The following CRADD variants were observed in gnomAD, a reference collection of about 807,000 sequenced individuals.
CRADD encodes CARD and death domain containing adaptor protein.
A neutral mutation model predicts 15.5 loss-of-function variants in CRADD; 9 were observed. The observed-to-expected ratio is 0.58, with a 90% CI of 0.35 to 1.01. The LOEUF (loss-of-function observed/expected upper bound fraction) is 1.01. CRADD is among the 50% of genes least tolerant of loss of function. The pLI, the probability that CRADD is intolerant of heterozygous loss-of-function variation, is 0.02. For missense variants in CRADD, 227 were observed against 250.3 expected (o/e 0.91, Z 0.63); for synonymous variants, 118 against 107.6 (o/e 1.10, Z -0.60).
At chr12:93,820,287 C>A (rs74492475) in intron 2 of CRADD, among the ~76,000 whole-genome samples, 5,815 of 152,292 alleles carry the variant, frequency 0.038, 183 homozygotes, top group East Asian at 0.12. Context: ...GCTAGAAAAC[C>A]TGCAGGGCAC....
At chr12:93,844,196 G>C (rs1464693128) in intron 2 of CRADD, among the ~76,000 whole-genome samples, 1 of 152,144 alleles carries the variant, frequency 6.6e-6, no homozygotes, top group African/African-American at 2.4e-5. Context: ...CACTCCGCTA[G>C]TGGCATGCAT....
At chr12:93,787,664 A>C (rs1160097891) in intron 2 of CRADD, among the ~76,000 whole-genome samples, 1 of 152,216 alleles carries the variant, frequency 6.6e-6, no homozygotes, top group East Asian at 1.9e-4. Context: ...CTTTAAAACT[A>C]TCCAAACTGG....
rs1957805608 is a variant in CRADD, at chr12:93,824,707, T to C, written c.299-25263T>C. Reference sequence around the variant, plus strand: ...TGGTATTCCTGAAGCCAGTCACTCTTAGAAGTGATAATGTTTATTTACCAG... The same window carrying C: ...TGGTATTCCTGAAGCCAGTCACTCTCAGAAGTGATAATGTTTATTTACCAG... On this transcript the variant is annotated intron_variant, in intron 2 of 2. Transcript: ENST00000332896. The surrounding 1 kb of genome is among the most constrained non-coding windows in gnomAD (Gnocchi z 4.3). 6.6e-6 allele frequency among the ~76,000 whole-genome samples: 1 copy of C among 152,152 alleles called. No individual in the cohort carries two copies. Among genetic ancestry groups the C allele is most frequent in the Non-Finnish European group, 1.5e-5 (1 of 68,038 alleles).
At chr12:93,791,946 T>TA (rs1485092105) in intron 2 of CRADD, among the ~76,000 whole-genome samples, 1 of 151,304 alleles carries the variant, frequency 6.6e-6, no homozygotes, top group Non-Finnish European at 1.5e-5. Context: ...GACAAGGCTG[T>TA]ATGGTGGCCC....
intron 2 of CRADD, among the ~76,000 whole-genome samples, chr12:93,713,595 G>T (rs1388085757): frequency 6.6e-6 from 1 of 151,246 alleles, no homozygotes; most frequent in Non-Finnish European, 1.5e-5. Context: ...GTAAATAGTT[G>T]TTATATTGTT....
intron 2 of CRADD, among the ~76,000 whole-genome samples, chr12:93,683,999 T>A (rs529757029): frequency 6.6e-6 from 1 of 152,264 alleles, no homozygotes; most frequent in South Asian, 2.1e-4. Flanking sequence ...TCAGTATCCA[T>A]AGCAAGACCC....
intron 2 of CRADD, among the ~76,000 whole-genome samples, chr12:93,800,931 T>G (rs1427915047): frequency 6.6e-6 from 1 of 152,052 alleles, no homozygotes; most frequent in Non-Finnish European, 1.5e-5. Context: ...GGCTGAATCA[T>G]TTATTCTGGA....
intron 2 of CRADD, among the ~76,000 whole-genome samples, chr12:93,778,625 G>A (rs1252647557): frequency 6.6e-6 from 1 of 151,760 alleles, no homozygotes; most frequent in Non-Finnish European, 1.5e-5. Context: ...ATGTTGACAG[G>A]TTAAACTGCA....
At chr12:93,861,220 C>T (rs1197685187) in intron 2 of CRADD, among the ~76,000 whole-genome samples, 1 of 152,114 alleles carries the variant, frequency 6.6e-6, no homozygotes, top group African/African-American at 2.4e-5. Context: ...CAGGTTGAGG[C>T]AGGAAAGTAC....
rs576427116 is a variant in CRADD at position 93,755,852 on chromosome 12, T to A, written c.298+76780T>A. Among the ~76,000 whole-genome samples the A allele has an allele frequency of 5.3e-5, 8 of 152,342 alleles. No homozygotes were observed. In the South Asian group the frequency reaches 1.2e-3, roughly 24 times the overall value. ...TGTTTCAATAAAAGAAAAAGTAGCA[T>A]ATGATTATTTTAAAGATTAAGGTAC... On this transcript the variant is annotated intron_variant, in intron 2 of 2. Coordinates refer to ENST00000332896, the MANE Select transcript of CRADD (RefSeq NM_003805.5).
intron 2 of CRADD, among the ~76,000 whole-genome samples, chr12:93,871,327 T>G (rs900423848): frequency 6.6e-6 from 1 of 152,162 alleles, no homozygotes; most frequent in Non-Finnish European, 1.5e-5. Flanking sequence ...TTTTAAAAAT[T>G]TTGTGGGTAC....
intron 2 of CRADD, among the ~76,000 whole-genome samples, chr12:93,759,632 C>T (rs941090228): frequency 1.3e-5 from 2 of 152,136 alleles, no homozygotes; most frequent in African/African-American, 2.4e-5. Context: ...TCCCTTTACC[C>T]CCACCTCTCT....
intron 2 of CRADD, among the ~76,000 whole-genome samples, chr12:93,762,990 C>A (rs921220146): frequency 2.0e-4 from 30 of 152,202 alleles, no homozygotes; most frequent in African/African-American, 7.2e-4. Flanking sequence ...GTATTGGTGG[C>A]TAAAACGTAA....
Position 93,701,685 on chromosome 12 carries a change from T to A in CRADD, c.298+22613T>A, listed in dbSNP as rs564358119. Reference sequence around the variant, plus strand: ...CCAAATTCCTGAGAATATGATTCAGTTAGTGAGTAACATTCTCTATGCTGG... The same window carrying A: ...CCAAATTCCTGAGAATATGATTCAGATAGTGAGTAACATTCTCTATGCTGG... On this transcript the variant is annotated intron_variant, in intron 2 of 2. Transcript: ENST00000332896. Among the ~76,000 whole-genome samples the A allele has an allele frequency of 3.0e-4, 45 of 152,330 alleles. No individual in the cohort carries two copies. In the South Asian group the frequency reaches 8.9e-3, roughly 30 times the overall value.
intron 2 of CRADD, among the ~76,000 whole-genome samples, chr12:93,804,651 C>A (rs1253854143): frequency 6.6e-6 from 1 of 152,102 alleles, no homozygotes; most frequent in African/African-American, 2.4e-5. Context: ...AAATCACCAC[C>A]CCTCCTCTAC....
chr12:93,721,450 A>AAC (rs932304109), intron 2 of CRADD, among the ~76,000 whole-genome samples: 9 of 151,268 alleles, frequency 5.9e-5, no homozygotes, highest in African/African-American at 1.2e-4. Context: ...CACATACACA[A>AAC]ACACACACAC....
intron 2 of CRADD, among the ~76,000 whole-genome samples, chr12:93,757,116 G>A (rs746731804): frequency 2.0e-5 from 3 of 152,104 alleles, no homozygotes; most frequent in South Asian, 2.1e-4. Context: ...TAAAACATAC[G>A]TATATTTCCC....
chr12:93,752,814 G>A (rs1956842591), intron 2 of CRADD, among the ~76,000 whole-genome samples: 1 of 152,124 alleles, frequency 6.6e-6, no homozygotes, highest in African/African-American at 2.4e-5. Context: ...CCTGAAACTG[G>A]GCAATTTACA....
intron 2 of CRADD, among the ~76,000 whole-genome samples, chr12:93,803,819 TG>T (rs1249250571): frequency 6.6e-6 from 1 of 151,872 alleles, no homozygotes; most frequent in Non-Finnish European, 1.5e-5. Context: ...ATCTTGAGAT[TG>T]GGAGATTATT....
Sources: gnomAD v4.1 joint callset for allele counts (sites outside exome capture counted in the v4.1 genomes callset) on GRCh38, gnomAD v4.1.1 for gene constraint, Gnocchi (gnomAD v3.1) non-coding constraint, MANE v1.5 for transcripts, NCBI Gene and HGNC (gene_info 2026-07-23, HGNC 2026-07-21) for gene names.